PSMG2: variants seen among roughly 807,000 people sequenced by gnomAD.
The protein encoded by PSMG2 is CD40 ligand-activated specific transcript 3.
A neutral mutation model predicts 31.5 loss-of-function variants in PSMG2; 21 were observed. That is an observed-to-expected ratio of 0.67 (90% confidence interval 0.47 to 0.96). The LOEUF (loss-of-function observed/expected upper bound fraction) is 0.96, where lower values mean the gene tolerates loss of function less well. PSMG2 is among the 40% of genes least tolerant of loss of function. PSMG2 has a pLI of 0.00. For synonymous variants in PSMG2, 120 were observed against 110.4 expected, an observed-to-expected ratio of 1.09 and a Z score of -0.54; for missense variants, 318 against 321.2, an observed-to-expected ratio of 0.99 and a Z score of 0.08.
At chr18:12,687,797 T>G (rs1441759583) in intron 1 of PSMG2, among the ~76,000 whole-genome samples, 3 of 151,952 alleles carry the variant, frequency 2.0e-5, no homozygotes, top group Non-Finnish European at 4.4e-5. Context: ...ATTCTAATTT[T>G]GGGGGGATGT....
Position 12,713,913 on chromosome 18 carries a change from G to A in PSMG2, c.288+1153G>A, listed in dbSNP as rs142675002. Among the ~76,000 whole-genome samples the A allele has an allele frequency of 6.4e-4, 97 of 152,066 alleles. 4 individuals are homozygous for A. In the East Asian group the frequency reaches 0.015, roughly 24 times the overall value. On this transcript the variant is annotated intron_variant, in intron 3 of 6. Coordinates refer to ENST00000317615, the MANE Select transcript of PSMG2 (RefSeq NM_020232.5). ...ATTACAGGGACACGCCACCACACTG[G>A]CTAATTTTTGTATTTTTAGTAGAGA...
chr18:12,710,188 C>T (rs1253759332), intron 2 of PSMG2, among the ~76,000 whole-genome samples: 4 of 151,882 alleles, frequency 2.6e-5, no homozygotes, highest in Non-Finnish European at 5.9e-5. Context: ...ATGATCTGCC[C>T]GCCTCAGCTT....
chr18:12,718,012 CTTT>C (rs71174131), intron 3 of PSMG2, among the ~76,000 whole-genome samples: 63 of 136,440 alleles, frequency 4.6e-4, no homozygotes, highest in Non-Finnish European at 6.0e-4. Context: ...TTTCTTTTTT[CTTT>C]TTTTTTTTTT....
chr18:12,698,327 C>T (rs930231606), upstream of PSMG2, among the ~76,000 whole-genome samples: 3 of 152,008 alleles, frequency 2.0e-5, no homozygotes, highest in African/African-American at 7.2e-5. Context: ...CCACCATGCC[C>T]GGCTAGAAAT....
intron 1 of PSMG2, among the ~76,000 whole-genome samples, chr18:12,683,229 G>A (rs372998451): frequency 6.9e-6 from 1 of 145,794 alleles, no homozygotes. Flanking sequence ...CTCCATGCCT[G>A]TAGTCCCAGC....
rs1459228013 is a variant in PSMG2, at chr18:12,719,326, A to G, written c.407+691A>G. Among the ~76,000 whole-genome samples the G allele has an allele frequency of 2.6e-5, 4 of 152,248 alleles. No individual in the cohort carries two copies. In the East Asian group the frequency reaches 7.7e-4, roughly 29 times the overall value. ...TATCCCAGAAATAGAACTATAAGCT[A>G]TCATTACCACATAAAGTTGATAACA... On this transcript the variant is annotated intron_variant, in intron 4 of 6. Transcript: ENST00000317615.
chr18:12,702,789 G>T (rs1022444114), upstream of PSMG2: 10 of 573,288 alleles, frequency 1.7e-5, no homozygotes, highest in Non-Finnish European at 3.0e-5. Context: ...CTTGGGGCTG[G>T]CCCGCACGCT....
At chr18:12,710,012 G>A (rs1473591623) in intron 2 of PSMG2, among the ~76,000 whole-genome samples, 3 of 149,284 alleles carry the variant, frequency 2.0e-5, no homozygotes, top group Non-Finnish European at 4.4e-5. Flanking sequence ...GCACGATCTC[G>A]GCTCACTGCA....
At chr18:12,722,633 A>G (rs949599332) in intron 5 of PSMG2, among the ~76,000 whole-genome samples, 1 of 152,204 alleles carries the variant, frequency 6.6e-6, no homozygotes, top group Non-Finnish European at 1.5e-5. Context: ...CTCAGCATCA[A>G]ACATTCAGGA....
At chr18:12,717,534 T>TC (rs2040388564) in intron 3 of PSMG2, among the ~76,000 whole-genome samples, 1 of 152,178 alleles carries the variant, frequency 6.6e-6, no homozygotes, top group African/African-American at 2.4e-5. Context: ...CCTACATACT[T>TC]CCGCACACAT....
intron 1 of PSMG2, among the ~76,000 whole-genome samples, chr18:12,668,023 G>A (rs1192348782): frequency 6.6e-6 from 1 of 152,010 alleles, no homozygotes; most frequent in African/African-American, 2.4e-5. Flanking sequence ...CCAGCACTTT[G>A]GGAGGCCGAG....
intron 1 of PSMG2, chr18:12,678,506 G>C: frequency 1.8e-6 from 2 of 1,110,860 alleles, no homozygotes; most frequent in Non-Finnish European, 2.6e-6. Context: ...ATCTTACTGA[G>C]AAAATTATTC....
At chr18:12,666,010 A>G (rs1054815367) in intron 1 of PSMG2, among the ~76,000 whole-genome samples, 2 of 151,126 alleles carry the variant, frequency 1.3e-5, no homozygotes, top group Non-Finnish European at 3.0e-5. Flanking sequence ...CAATTATTTT[A>G]ATTGTATCAA....
At chr18:12,702,771 A>G, upstream of PSMG2, 2 of 583,088 alleles carry the variant, frequency 3.4e-6, no homozygotes, top group Non-Finnish European at 5.9e-6. Context: ...AGTGGCGGAC[A>G]AACAGGGCTT....
At chr18:12,713,104 T>C (rs746850181) in intron 3 of PSMG2, among the ~76,000 whole-genome samples, 19 of 152,224 alleles carry the variant, frequency 1.2e-4, no homozygotes, top group Non-Finnish European at 2.5e-4. Context: ...TATGTATATG[T>C]CATAAAATAT....
intron 3 of PSMG2, among the ~76,000 whole-genome samples, 170 bp from the exon 4 acceptor site, chr18:12,718,346 CT>C: frequency 6.6e-6 from 1 of 152,150 alleles, no homozygotes; most frequent in Non-Finnish European, 1.5e-5. Context: ...ATTCATTGCT[CT>C]TTATCATTCA....
chr18:12,676,086 G>A (rs770861107), intron 1 of PSMG2, among the ~76,000 whole-genome samples: 2 of 151,828 alleles, frequency 1.3e-5, no homozygotes, highest in Non-Finnish European at 2.9e-5. Context: ...TTATCATAAT[G>A]GATCTTTGGT....
At chr18:12,681,405 C>T (rs2039345485) in intron 1 of PSMG2, among the ~76,000 whole-genome samples, 1 of 151,740 alleles carries the variant, frequency 6.6e-6, no homozygotes, top group South Asian at 2.1e-4. Flanking sequence ...CACCATGACA[C>T]CTAGCTAATT....
rs1237138793 is a variant in PSMG2, at chr18:12,696,036, G to C, written c.-36-10514G>C. ...ATACTTCACATCAAAACGATTTAATGTTTCTTCAGTGAATCAGAATCTGCT... is the reference window on the plus strand; with the variant it reads ...ATACTTCACATCAAAACGATTTAATCTTTCTTCAGTGAATCAGAATCTGCT... On this transcript the variant is annotated intron_variant, in intron 1 of 6. Coordinates refer to the PSMG2 transcript ENST00000585331. Among the ~76,000 whole-genome samples, 7 of 152,226 alleles carry C rather than the reference G, an allele frequency of 4.6e-5. No individual in the cohort carries two copies. The East Asian group carries it at 1.3e-3, about 29-fold the overall frequency.
Sources: gnomAD v4.1 joint callset for allele counts (sites outside exome capture counted in the v4.1 genomes callset) on GRCh38, gnomAD v4.1.1 for gene constraint, MANE v1.5 for transcripts, NCBI Gene and HGNC (gene_info 2026-07-23, HGNC 2026-07-21) for gene names.